The following PIGB variants were observed in gnomAD, a reference collection of about 807,000 sequenced individuals.
PIGB encodes the protein GPI alpha-1,2-mannosyltransferase 3.
A neutral mutation model predicts 68.4 loss-of-function variants in PIGB; 58 were observed. The observed-to-expected ratio is 0.85, with a 90% CI of 0.69 to 1.06. PIGB has a LOEUF of 1.06. Ranked by LOEUF, PIGB falls within the 50% of genes least tolerant of loss-of-function variation. The pLI, the probability that PIGB is intolerant of heterozygous loss-of-function variation, is 0.00. For missense variants in PIGB, 634 were observed against 655.8 expected (o/e 0.97, Z 0.36); for synonymous variants, 219 against 220.5 (o/e 0.99, Z 0.06).
chr15:55,330,690 A>G (rs561957688), intron 5 of PIGB, among the ~76,000 whole-genome samples: 1 of 152,354 alleles, frequency 6.6e-6, no homozygotes, highest in East Asian at 1.9e-4. Context: ...GTAGCATGAC[A>G]TAATCAAATC....
At chr15:55,333,378 C>T (rs2055463036) in intron 5 of PIGB, among the ~76,000 whole-genome samples, 2 of 152,116 alleles carry the variant, frequency 1.3e-5, no homozygotes, top group Non-Finnish European at 2.9e-5. Flanking sequence ...GGCGGATCGC[C>T]TGAGGTCAGG....
chr15:55,321,703 A>G (rs1267658809), intron 3 of PIGB, among the ~76,000 whole-genome samples: 1 of 118,356 alleles, frequency 8.4e-6, no homozygotes, highest in Admixed American at 1.2e-4. Flanking sequence ...CCTAGGCTGG[A>G]GTGCAATGGC....
At chr15:55,346,231 TC>T (rs2055791563) in intron 9 of PIGB, 1 of 152,250 alleles carries the variant, frequency 6.6e-6, no homozygotes, top group Admixed American at 6.5e-5. Flanking sequence ...AGGAACCACC[TC>T]ATGAAGTATC....
chr15:55,322,463 T>C (rs1363003987), intron 3 of PIGB, among the ~76,000 whole-genome samples: 3 of 152,138 alleles, frequency 2.0e-5, no homozygotes, highest in Non-Finnish European at 4.4e-5. Flanking sequence ...GCAGGACTAA[T>C]GGTGTAAAAG....
intron 6 of PIGB, 145 bp from the exon 7 acceptor site, chr15:55,339,122 A>G (rs1271578134): frequency 1.6e-6 from 1 of 638,812 alleles, no homozygotes; most frequent in Non-Finnish European, 2.8e-6. Flanking sequence ...ATACCTTTCA[A>G]AATGTGTAAA....
Position 55,355,290 on chromosome 15 carries a change from T to C in PIGB, c.1523T>C (p.Ile508Thr). The change falls in exon 12 of 12, where the codon ATA (isoleucine) becomes ACA (threonine). Residue 508 changes from isoleucine to threonine, a missense_variant. Ile to Thr is a moderately conservative substitution (Grantham distance 89). Coordinates refer to ENST00000164305, the MANE Select transcript of PIGB (RefSeq NM_004855.5). Reference protein sequence around the residue: ...LITFSILEEEISAFLISSNYK... With the variant: ...LITFSILEEETSAFLISSNYK... ...TAAACATTTATTTGCTTCTAGGAAA[T>C]AAGCGCTTTCCTAATTTCAAGCAAT... 2.5e-6 allele frequency: 4 copies of C among 1,604,592 alleles called. No individual in the cohort carries two copies. Among genetic ancestry groups the C allele is most frequent in the Non-Finnish European group, 3.4e-6 (4 of 1,174,444 alleles).
At chr15:55,319,840 G>C (rs574153261) in intron 1 of PIGB, 2 of 179,882 alleles carry the variant, frequency 1.1e-5, no homozygotes, top group African/African-American at 4.8e-5. Flanking sequence ...AATTAACACA[G>C]TGCCTGGCAT....
chr15:55,346,294 A>C (rs932713966), intron 9 of PIGB: 8 of 152,190 alleles, frequency 5.3e-5, no homozygotes, highest in Admixed American at 5.2e-4. Flanking sequence ...GTCAACTGAG[A>C]TGTAATGGAT....
At chr15:55,351,893 A>C (rs1484309492) in intron 10 of PIGB, 1 of 148,542 alleles carries the variant, frequency 6.7e-6, no homozygotes, top group Admixed American at 6.7e-5. Context: ...AAAAAAAAAA[A>C]CATGGATTTT....
intron 3 of PIGB, chr15:55,324,800 G>T: frequency 1.0e-6 from 1 of 985,126 alleles, no homozygotes; most frequent in Non-Finnish European, 1.2e-6. Flanking sequence ...AAGTAAGGAT[G>T]AAGCTTATAG....
At chr15:55,346,132 T>C (rs1014344628) in intron 9 of PIGB, among the ~76,000 whole-genome samples, 4 of 152,156 alleles carry the variant, frequency 2.6e-5, no homozygotes, top group East Asian at 1.9e-4. Flanking sequence ...TGCTGGAAAA[T>C]ACAGAATGCC....
At chr15:55,327,124 T>C (rs953348395) in intron 3 of PIGB, among the ~76,000 whole-genome samples, 3 of 150,150 alleles carry the variant, frequency 2.0e-5, no homozygotes, top group Admixed American at 1.3e-4. Context: ...TAAAAAATAA[T>C]TTAAAAATAT....
At chr15:55,334,244 C>G (rs1477384395) in intron 6 of PIGB, among the ~76,000 whole-genome samples, 7 of 152,156 alleles carry the variant, frequency 4.6e-5, no homozygotes, top group Non-Finnish European at 2.9e-5. Context: ...TTTTCCAATG[C>G]TTTATTTCCT....
intron 6 of PIGB, among the ~76,000 whole-genome samples, chr15:55,336,840 A>G (rs2055547412): frequency 6.6e-6 from 1 of 152,184 alleles, no homozygotes; most frequent in African/African-American, 2.4e-5. Flanking sequence ...ATACAAAAAA[A>G]TTAGCTGGGC....
chr15:55,330,148 CCAAGGAG>C (rs1358112186), intron 5 of PIGB, among the ~76,000 whole-genome samples: 2 of 152,072 alleles, frequency 1.3e-5, no homozygotes, highest in African/African-American at 4.8e-5. Flanking sequence ...TCTCTAGGCC[CCAAGGAG>C]CAAGGAGAAG....
intron 9 of PIGB, 39 bp downstream of exon 9, chr15:55,341,841 G>A: frequency 1.1e-6 from 1 of 897,750 alleles, no homozygotes; most frequent in Non-Finnish European, 1.6e-6. Context: ...AAATTATATA[G>A]AAATAGTCTA....
At chr15:55,337,953 A>C (rs961388705) in intron 6 of PIGB, among the ~76,000 whole-genome samples, 25 of 152,222 alleles carry the variant, frequency 1.6e-4, no homozygotes, top group Admixed American at 1.1e-3. Context: ...AAATTCAAAA[A>C]AAGATAAAAC....
chr15:55,330,526 TAC>T (rs2055390797), intron 5 of PIGB, among the ~76,000 whole-genome samples: 1 of 152,180 alleles, frequency 6.6e-6, no homozygotes, highest in Admixed American at 6.5e-5. Flanking sequence ...CATTTACAGT[TAC>T]AGTTACAGTA....
intron 5 of PIGB, among the ~76,000 whole-genome samples, chr15:55,333,478 C>G (rs1325469532): frequency 6.6e-6 from 1 of 152,076 alleles, no homozygotes; most frequent in Non-Finnish European, 1.5e-5. Flanking sequence ...AGCCTGTAAT[C>G]CCAGCACTTT....
Sources: allele counts gnomAD v4.1 joint callset (sites outside exome capture counted in the v4.1 genomes callset), GRCh38; gene constraint gnomAD v4.1.1; transcripts MANE v1.5; gene names NCBI Gene and HGNC (gene_info 2026-07-23, HGNC 2026-07-21).